The following PDLIM2 variants were observed in gnomAD, a reference collection of about 807,000 sequenced individuals.
The protein encoded by PDLIM2 is PDZ and LIM domain 2, also known as PDZ and LIM domain protein 2.
PDLIM2 carries 51 observed loss-of-function variants against 54.1 expected under a neutral mutation model. The observed-to-expected ratio is 0.94, with a 90% CI of 0.75 to 1.19. PDLIM2 has a LOEUF of 1.19. Ranked by LOEUF, PDLIM2 falls within the 50% of genes most tolerant of loss-of-function variation. The pLI is 0.00. For synonymous variants in PDLIM2, 398 were observed against 385.6 expected, an observed-to-expected ratio of 1.03 and a Z score of -0.38; for missense variants, 912 against 874.0, an observed-to-expected ratio of 1.04 and a Z score of -0.55.
At chr8:22,580,674 C>T (rs1333945872) in exon 2 of PDLIM2, 13 of 1,614,060 alleles carry the variant, frequency 8.1e-6, no homozygotes, top group Non-Finnish European at 1.1e-5. Context: ...CAGGGATTTC[C>T]ACACGCCCAT....
chr8:22,586,494 T>C (rs999908364), intron 6 of PDLIM2, among the ~76,000 whole-genome samples: 1 of 151,792 alleles, frequency 6.6e-6, no homozygotes, highest in Non-Finnish European at 1.5e-5. Context: ...TGCTGGACGT[T>C]AGAGGTGGTG....
At chr8:22,595,679 G>A (rs7012299), downstream of PDLIM2, 4,478 of 152,474 alleles carry the variant, frequency 0.029, 109 homozygotes, top group African/African-American at 0.063. Flanking sequence ...TGAGTGATGG[G>A]GTGGCTGCTG....
chr8:22,584,632 A>G (rs778323674), intron 3 of PDLIM2, among the ~76,000 whole-genome samples, 189 bp from the exon 3 acceptor site: 1 of 152,242 alleles, frequency 6.6e-6, no homozygotes, highest in African/African-American at 2.4e-5. Flanking sequence ...CTTTTAAGGA[A>G]CCATGGTTGT....
chr8:22,594,337 G>A, downstream of PDLIM2: 1 of 1,451,026 alleles, frequency 6.9e-7, no homozygotes, highest in Admixed American at 2.7e-5. Flanking sequence ...CGCCAGCCCT[G>A]GGTATGACCT....
intron 9 of PDLIM2, chr8:22,592,649 G>C (rs1010119883): frequency 1.7e-4 from 26 of 152,174 alleles, no homozygotes; most frequent in African/African-American, 6.0e-4. Flanking sequence ...TGTGTGTGTC[G>C]GGTCCCTTGG....
In PDLIM2 at chr8:22,579,870, G is replaced by T. The variant is rs1414268089; in HGVS notation, c.748+343G>T. On this transcript the variant is annotated intron_variant, in intron 1 of 9. Transcript: ENST00000308354. ...GGGAGGCCTGTCACCCCGGCTGTCT[G>T]TCGGGCAGCATCAGGAATCTGGGGG... 7 of 258,358 alleles carry T rather than the reference G, an allele frequency of 2.7e-5. No homozygotes were observed. In the East Asian group the frequency reaches 2.7e-4, roughly 10 times the overall value. The allele number at this position is 258,358 out of a possible 1,614,324, so 16.0% of individuals were successfully genotyped here.
downstream of PDLIM2, chr8:22,595,811 A>ACATGGT (rs1385010517): frequency 6.6e-6 from 1 of 152,326 alleles, no homozygotes; most frequent in Admixed American, 6.5e-5. Context: ...TTGTTTTGAG[A>ACATGGT]CATGGTCTTG....
intron 6 of PDLIM2, among the ~76,000 whole-genome samples, chr8:22,586,330 G>C (rs1800382128): frequency 6.6e-6 from 1 of 152,218 alleles, no homozygotes; most frequent in Non-Finnish European, 1.5e-5. Context: ...TATTCCATGG[G>C]TCCCCTTGTT....
At chr8:22,594,552 G>A (rs1166409092), downstream of PDLIM2, 1 of 1,614,094 alleles carries the variant, frequency 6.2e-7, no homozygotes, top group Non-Finnish European at 8.5e-7. Context: ...GCTATGGAGG[G>A]AATGAGATTG....
At chr8:22,579,378 C>A (rs1167459716) in exon 1 of PDLIM2, 1 of 1,499,438 alleles carries the variant, frequency 6.7e-7, no homozygotes. Flanking sequence ...GCTGCGCTCT[C>A]CCCGGCCGGA....
chr8:22,580,636 C>G, exon 2 of PDLIM2: 1 of 1,614,008 alleles, frequency 6.2e-7, no homozygotes, highest in Non-Finnish European at 8.5e-7. Flanking sequence ...GCCGGGCCAG[C>G]GCCCTGGGGC....
downstream of PDLIM2, chr8:22,594,834 G>A: frequency 1.1e-6 from 1 of 906,770 alleles, no homozygotes; most frequent in Non-Finnish European, 1.6e-6. Flanking sequence ...GAGGCCTGAG[G>A]AGCCCTCCTG....
intron 9 of PDLIM2, 29 bp from the exon 9 acceptor site, chr8:22,593,704 C>T: frequency 6.5e-7 from 1 of 1,546,020 alleles, no homozygotes; most frequent in Non-Finnish European, 8.7e-7. Flanking sequence ...TGCTGTGGCT[C>T]TGAGCTAAAG....
At chr8:22,578,897 C>T (rs945336785) in exon 1 of PDLIM2, 10 of 1,238,018 alleles carry the variant, frequency 8.1e-6, no homozygotes, top group Admixed American at 4.2e-5. Context: ...TCCGGGCAGT[C>T]GGGGGCTTGC....
chr8:22,596,817 A>G (rs1800692602), downstream of PDLIM2: 1 of 152,216 alleles, frequency 6.6e-6, no homozygotes, highest in African/African-American at 2.4e-5. Flanking sequence ...TAATCCTCAC[A>G]ACCCGAGATA....
intron 6 of PDLIM2, chr8:22,588,150 C>T (rs1414154093): frequency 6.6e-6 from 1 of 152,338 alleles, no homozygotes; most frequent in African/African-American, 2.4e-5. Context: ...TCTGATGCTG[C>T]AGGTGGCTTG....
chr8:22,589,366 C>T (rs1280645756), exon 7 of PDLIM2: 3 of 1,535,314 alleles, frequency 2.0e-6, no homozygotes, highest in Non-Finnish European at 2.6e-6. Context: ...CTCGTTCCTC[C>T]AGGCCCAGGT....
chr8:22,593,470 A>G, intron 9 of PDLIM2: 1 of 430,030 alleles, frequency 2.3e-6, no homozygotes, highest in East Asian at 3.9e-5. Flanking sequence ...CCAGCTACTC[A>G]GGAGGCTGGT....
At chr8:22,584,969 C>T (rs1800329732) in intron 4 of PDLIM2, 48 bp from the exon 4 acceptor site, 1 of 1,613,470 alleles carries the variant, frequency 6.2e-7, no homozygotes, top group African/African-American at 1.3e-5. Flanking sequence ...GCAGGGCGGC[C>T]TTGGCGGGGC....
Sources: gnomAD v4.1 joint callset for allele counts (sites outside exome capture counted in the v4.1 genomes callset) on GRCh38, gnomAD v4.1.1 for gene constraint, MANE v1.5 for transcripts, NCBI Gene and HGNC (gene_info 2026-07-23, HGNC 2026-07-21) for gene names.